Variants in TBC1D15 observed in about 807,000 individuals in gnomAD.
TBC1D15 encodes TBC1 domain family member 15.
A neutral mutation model predicts 95.4 loss-of-function variants in TBC1D15; 39 were observed. The ratio of observed to expected loss-of-function variants is 0.41; its 90% CI spans 0.32 to 0.53. TBC1D15 has a LOEUF of 0.53. TBC1D15 is among the 20% of genes least tolerant of loss of function. The pLI, the probability that TBC1D15 is intolerant of heterozygous loss-of-function variation, is 0.29. For synonymous variants in TBC1D15, 258 were observed against 261.3 expected (o/e 0.99, Z 0.12); for missense variants, 733 against 794.3 (o/e 0.92, Z 0.93).
intron 1 of TBC1D15, among the ~76,000 whole-genome samples, chr12:71,840,702 T>G (rs2137734744): frequency 6.6e-6 from 1 of 152,374 alleles, no homozygotes; most frequent in Middle Eastern, 3.4e-3. Flanking sequence ...TCATTGCAGA[T>G]AGCGTCCTCT....
At chr12:71,870,546 A>G (rs1254520668) in intron 1 of TBC1D15, among the ~76,000 whole-genome samples, 1 of 152,200 alleles carries the variant, frequency 6.6e-6, no homozygotes, top group Non-Finnish European at 1.5e-5. Flanking sequence ...TCCATATCAC[A>G]GTTGATTAAC....
At chr12:71,868,093 C>T (rs1173828208) in intron 1 of TBC1D15, among the ~76,000 whole-genome samples, 1 of 151,968 alleles carries the variant, frequency 6.6e-6, no homozygotes, top group African/African-American at 2.4e-5. Context: ...AACATCACAC[C>T]CTTCAAAATT....
In TBC1D15 at chr12:71,870,042, A is replaced by G. The variant is rs138818857; in HGVS notation, c.31-2028A>G. 3.3e-5 allele frequency among the ~76,000 whole-genome samples: 5 copies of G among 152,280 alleles called. No individual in the cohort carries two copies. The East Asian group carries it at 9.6e-4, about 29-fold the overall frequency. On this transcript the variant is annotated intron_variant, in intron 1 of 16. Transcript: ENST00000485960. ...AATTTGTTCTGTATATTTCACACAG[A>G]TAGAAACTTCATAAAAGTGTAAATG...
intron 1 of TBC1D15, chr12:71,850,034 A>G (rs527331939): frequency 2.9e-5 from 15 of 522,452 alleles, no homozygotes; most frequent in African/African-American, 7.8e-5. Context: ...TCTCCAGACA[A>G]TTGTGAAGAG....
chr12:71,885,713 G>C (rs751291057), intron 5 of TBC1D15, among the ~76,000 whole-genome samples: 1 of 152,182 alleles, frequency 6.6e-6, no homozygotes, highest in South Asian at 2.1e-4. Context: ...GAGTTCCTGG[G>C]AAGGAATGAG....
intron 4 of TBC1D15, among the ~76,000 whole-genome samples, chr12:71,883,246 A>G (rs1406193022): frequency 2.6e-5 from 4 of 152,058 alleles, no homozygotes; most frequent in African/African-American, 9.7e-5. Context: ...TGATTCATGA[A>G]TAAGTTGAAA....
At chr12:71,903,270 TC>T (rs1005190611) in intron 10 of TBC1D15, among the ~76,000 whole-genome samples, 2 of 152,116 alleles carry the variant, frequency 1.3e-5, no homozygotes, top group African/African-American at 4.8e-5. Flanking sequence ...GAAAAAGTGC[TC>T]AATATTACTA....
intron 1 of TBC1D15, among the ~76,000 whole-genome samples, chr12:71,864,388 G>A (rs1891030866): frequency 6.6e-6 from 1 of 151,860 alleles, no homozygotes; most frequent in Admixed American, 6.6e-5. Flanking sequence ...TTCGTTTCAT[G>A]TGTGCCTCCA....
At chr12:71,918,149 T>A (rs1904150427) in intron 13 of TBC1D15, among the ~76,000 whole-genome samples, 2 of 152,216 alleles carry the variant, frequency 1.3e-5, no homozygotes, top group Admixed American at 1.3e-4. Flanking sequence ...AGCAAGACAC[T>A]GTCTCAATAA....
At chr12:71,899,525 A>G (rs983234312) in intron 10 of TBC1D15, among the ~76,000 whole-genome samples, 1 of 152,200 alleles carries the variant, frequency 6.6e-6, no homozygotes, top group Non-Finnish European at 1.5e-5. Flanking sequence ...TATTTTGAGA[A>G]TGCTCATCAA....
chr12:71,864,443 G>C (rs1289341422), intron 1 of TBC1D15, among the ~76,000 whole-genome samples: 2 of 151,122 alleles, frequency 1.3e-5, no homozygotes, highest in Admixed American at 6.6e-5. Context: ...TCTAAACTCT[G>C]TAGAGTGGCT....
At chr12:71,846,860 T>C (rs1039793324) in intron 1 of TBC1D15, among the ~76,000 whole-genome samples, 2 of 150,178 alleles carry the variant, frequency 1.3e-5, no homozygotes, top group African/African-American at 4.9e-5. Context: ...TCCTGGGCTC[T>C]AGTGATCCTC....
At position 71,878,761 on chromosome 12, in the gene TBC1D15, C is replaced by G. The variant is rs568012980; in HGVS notation, c.205-1708C>G. Among the ~76,000 whole-genome samples the G allele has an allele frequency of 2.0e-5, 3 of 151,722 alleles. No homozygotes were observed. The South Asian group carries it at 6.2e-4, about 32-fold the overall frequency. On this transcript the variant is annotated intron_variant, in intron 3 of 16. Coordinates refer to ENST00000485960, the MANE Select transcript of TBC1D15 (RefSeq NM_001146213.3). ...CAAACTCCTGACCTCAAGTGATCCA[C>G]CTGCCTTGGCCTCCCAAAGTGCTGG...
intron 4 of TBC1D15, among the ~76,000 whole-genome samples, chr12:71,883,087 T>G (rs1284574133): frequency 6.6e-6 from 1 of 152,102 alleles, no homozygotes; most frequent in Non-Finnish European, 1.5e-5. Flanking sequence ...GAATTTAATT[T>G]AAAAAATTGT....
At chr12:71,897,231 A>G (rs960347009) in intron 9 of TBC1D15, 2 of 153,864 alleles carry the variant, frequency 1.3e-5, no homozygotes, top group African/African-American at 4.8e-5. Context: ...TTGGAAGAGT[A>G]TTTCTATTTT....
chr12:71,870,476 T>C (rs1045945135), intron 1 of TBC1D15, among the ~76,000 whole-genome samples: 3 of 152,212 alleles, frequency 2.0e-5, no homozygotes, highest in African/African-American at 7.2e-5. Context: ...TACTTAGGTT[T>C]TTGAAATCAA....
rs372488481 is a variant in TBC1D15, at chr12:71,868,314, C to T, written c.31-3756C>T. On this transcript the variant is annotated intron_variant, in intron 1 of 16. Transcript: ENST00000485960. Reference sequence around the variant, plus strand: ...AGGCTTGAGTGCGGTAGCACGATCTCGGCTCACCGCAAGCTCTGCATCCTG... The same window carrying T: ...AGGCTTGAGTGCGGTAGCACGATCTTGGCTCACCGCAAGCTCTGCATCCTG... 8.6e-5 allele frequency among the ~76,000 whole-genome samples: 13 copies of T among 150,510 alleles called. No individual in the cohort carries two copies. In the South Asian group the frequency reaches 1.9e-3, roughly 22 times the overall value.
In TBC1D15 at chr12:71,851,330, G is replaced by T. The variant is rs143099078; in HGVS notation, c.30+11519G>T. Among the ~76,000 whole-genome samples, 8 of 151,932 alleles carry T rather than the reference G, an allele frequency of 5.3e-5. No individual in the cohort carries two copies. The East Asian group carries it at 1.4e-3, about 26-fold the overall frequency. On this transcript the variant is annotated intron_variant, in intron 1 of 16. Coordinates refer to ENST00000485960, the MANE Select transcript of TBC1D15 (RefSeq NM_001146213.3). ...CCTCCCCCCAGGCCCCACCTCCAAC[G>T]TTGGGTATTGTAATTCAACATGAGA...
intron 1 of TBC1D15, chr12:71,849,230 G>T: frequency 5.9e-6 from 3 of 507,328 alleles, no homozygotes; most frequent in East Asian, 3.3e-5. Flanking sequence ...CTCATGGTTT[G>T]TTAGGATACT....
Sources: allele counts gnomAD v4.1 joint callset (sites outside exome capture counted in the v4.1 genomes callset), GRCh38; gene constraint gnomAD v4.1.1; transcripts MANE v1.5; gene names NCBI Gene and HGNC (gene_info 2026-07-23, HGNC 2026-07-21).